Variants in DCLRE1C observed in about 807,000 individuals in gnomAD.
DCLRE1C encodes protein artemis.
A neutral mutation model predicts 61.4 loss-of-function variants in DCLRE1C; 47 were observed. That is an observed-to-expected ratio of 0.77 (90% CI 0.61 to 0.98). DCLRE1C has a LOEUF of 0.98. Among genes scored for constraint, DCLRE1C ranks in the 50% least tolerant of loss-of-function variants. DCLRE1C has a pLI of 0.00. For synonymous variants in DCLRE1C, 337 were observed against 287.6 expected (o/e 1.17, Z -1.74); for missense variants, 858 against 816.0 (o/e 1.05, Z -0.63).
chr10:14,936,772 A>G (rs1839999659), intron 4 of DCLRE1C, among the ~76,000 whole-genome samples, 179 bp from the exon 5 acceptor site: 1 of 152,116 alleles, frequency 6.6e-6, no homozygotes, highest in Non-Finnish European at 1.5e-5. Flanking sequence ...CAACAAACAG[A>G]ATTCCCATGG....
rs1216707638 is a variant in DCLRE1C at position 14,905,374 on chromosome 10, A to C, written c.*3034T>G. 1.3e-5 allele frequency among the ~76,000 whole-genome samples: 2 copies of C among 152,250 alleles called. No individual in the cohort carries two copies. The highest frequency in any genetic ancestry group is 1.3e-4 in the Admixed American group (2 of 15,286). Reference sequence around the variant, plus strand: ...GGTACGTAAACATACTATGGTAAGTACTGCCTAGAAATGCAAAGGAATTTT... The same window carrying C: ...GGTACGTAAACATACTATGGTAAGTCCTGCCTAGAAATGCAAAGGAATTTT... On this transcript the variant is annotated 3_prime_UTR_variant, in exon 14 of 14. Transcript: ENST00000378278.
At chr10:14,921,656 T>C (rs1183728644) in intron 12 of DCLRE1C, among the ~76,000 whole-genome samples, 3 of 152,210 alleles carry the variant, frequency 2.0e-5, no homozygotes, top group African/African-American at 7.2e-5. Flanking sequence ...GTCCCCATAT[T>C]ATTTGACTTC....
intron 1 of DCLRE1C, among the ~76,000 whole-genome samples, chr10:14,952,614 G>A (rs1454030732): frequency 6.6e-6 from 1 of 152,000 alleles, no homozygotes; most frequent in Non-Finnish European, 1.5e-5. Context: ...ACATTAGCTA[G>A]GCATGGTGGC....
In DCLRE1C at chr10:14,909,347, A is replaced by G; in HGVS notation, c.1157-17T>C. The G allele has an allele frequency of 6.2e-7, 1 of 1,610,918 alleles. No homozygotes were observed. The highest frequency in any genetic ancestry group is 8.5e-7 in the Non-Finnish European group (1 of 1,179,006). ...CTTCCTCCTCTGTGGGACAAACAAAACAGGTTTATAGGAAACAAGGCAAAG... is the reference window on the plus strand; with the variant it reads ...CTTCCTCCTCTGTGGGACAAACAAAGCAGGTTTATAGGAAACAAGGCAAAG... On this transcript the variant is annotated splice_polypyrimidine_tract_variant and intron_variant, in intron 13 of 13. Transcript: ENST00000378278.
intron 9 of DCLRE1C, 135 bp from the exon 10 acceptor site, chr10:14,928,287 T>C (rs1838367543): frequency 1.2e-5 from 9 of 760,832 alleles, no homozygotes; most frequent in Middle Eastern, 3.8e-4. Context: ...AGCAAAACAA[T>C]GTAGACATGA....
chr10:14,930,772 T>G (rs1838857950), intron 9 of DCLRE1C, among the ~76,000 whole-genome samples: 1 of 152,108 alleles, frequency 6.6e-6, no homozygotes, highest in South Asian at 2.1e-4. Flanking sequence ...CATCCAAGAA[T>G]CCACTGGACG....
chr10:14,939,203 A>T (rs896779569), intron 4 of DCLRE1C, among the ~76,000 whole-genome samples: 3 of 152,118 alleles, frequency 2.0e-5, no homozygotes, highest in Non-Finnish European at 2.9e-5. Context: ...TTGGGAGGCC[A>T]AGGCAGGCGG....
chr10:14,927,943 G>A (rs974783176), intron 10 of DCLRE1C, 73 bp downstream of exon 10: 4 of 1,433,330 alleles, frequency 2.8e-6, no homozygotes, highest in Non-Finnish European at 3.9e-6. Context: ...AGGCTAGACT[G>A]TGCTTAAATG....
exon 14 of DCLRE1C, chr10:14,898,424 G>A (rs532725925): frequency 6.6e-6 from 1 of 151,642 alleles, no homozygotes; most frequent in Non-Finnish European, 1.5e-5. Flanking sequence ...TACATATCTG[G>A]AGTTGTCAAC....
At chr10:14,936,710 C>T in intron 4 of DCLRE1C, 117 bp from the exon 5 acceptor site, 1 of 715,390 alleles carries the variant, frequency 1.4e-6, no homozygotes, top group Non-Finnish European at 2.5e-6. Context: ...TGCCTTTTCT[C>T]CCAATTTCCT....
chr10:14,933,113 C>A (rs181447062), intron 8 of DCLRE1C, among the ~76,000 whole-genome samples, 158 bp from the exon 9 acceptor site: 17 of 152,320 alleles, frequency 1.1e-4, no homozygotes, highest in African/African-American at 3.8e-4. Context: ...TGGTATTCCG[C>A]CAGCATGTCA....
chr10:14,925,534 G>A (rs953715883), intron 11 of DCLRE1C, among the ~76,000 whole-genome samples: 20 of 152,118 alleles, frequency 1.3e-4, no homozygotes, highest in African/African-American at 4.1e-4. Flanking sequence ...TGGTGACATC[G>A]TTTTCACCAG....
Position 14,932,950 on chromosome 10 carries a change from A to G in DCLRE1C, c.684T>C (p.His228=), listed in dbSNP as rs780102070. The G allele has an allele frequency of 7.4e-6, 12 of 1,614,188 alleles. No homozygotes were observed. Among genetic ancestry groups the G allele is most frequent in the Non-Finnish European group, 1.0e-5 (12 of 1,179,982 alleles). ...TCCTAAACATGTCTAGCTTATTCAC[A>G]TGAACCTAAGGCAAATAATACATAC... is the stretch of plus-strand genomic sequence containing the variant. ...NLSEELGVQV[H]VNKLDMFRNM... is the part of the protein sequence containing the mutation. The change falls in exon 9 of 14, where the codon CAT becomes CAC. Residue 228 remains histidine, a synonymous_variant. Coordinates refer to ENST00000378278, the MANE Select transcript of DCLRE1C (RefSeq NM_001033855.3).
chr10:14,914,144 G>T (rs1490631846), intron 13 of DCLRE1C, among the ~76,000 whole-genome samples: 1 of 152,088 alleles, frequency 6.6e-6, no homozygotes, highest in Non-Finnish European at 1.5e-5. Flanking sequence ...ACAACATACT[G>T]CTTACAAGAA....
At position 14,940,642 on chromosome 10, in the gene DCLRE1C, A is replaced by G. The variant is rs541137831; in HGVS notation, c.247-773T>C. ...GCTCCCTGGTACATTTCCCCCTGCC[A>G]TCAAAACAGAGACTAGCACATAAGA... On this transcript the variant is annotated intron_variant, in intron 3 of 13. Transcript: ENST00000378278. 7.2e-5 allele frequency among the ~76,000 whole-genome samples: 11 copies of G among 152,278 alleles called. No homozygotes were observed. The South Asian group carries it at 2.3e-3, about 32-fold the overall frequency.
intron 2 of DCLRE1C, among the ~76,000 whole-genome samples, chr10:14,947,902 T>C (rs1288598175): frequency 1.3e-5 from 2 of 150,962 alleles, no homozygotes; most frequent in East Asian, 3.9e-4. Flanking sequence ...CTACCGAAAA[T>C]ACAAAAAGTA....
At position 14,923,082 on chromosome 10, in the gene DCLRE1C, A is replaced by G. The variant is rs1837378479; in HGVS notation, c.973-13T>C. The G allele has an allele frequency of 6.3e-7, 1 of 1,586,762 alleles. No individual in the cohort carries two copies. Among genetic ancestry groups the G allele is most frequent in the African/African-American group, 1.3e-5 (1 of 74,456 alleles). On this transcript the variant is annotated splice_polypyrimidine_tract_variant and intron_variant, in intron 11 of 13. Coordinates refer to ENST00000378278, the MANE Select transcript of DCLRE1C (RefSeq NM_001033855.3). ...AGAAATCTTTAATCTAGAAAAAGGA[A>G]AATCACATGGATCAACAATCTCTAC...
chr10:14,918,813 G>C (rs1307074585), intron 13 of DCLRE1C, among the ~76,000 whole-genome samples: 1 of 152,046 alleles, frequency 6.6e-6, no homozygotes. Flanking sequence ...TCTTGGAATT[G>C]TCATCTAAAT....
At chr10:14,949,717 G>T (rs1842182463) in intron 1 of DCLRE1C, among the ~76,000 whole-genome samples, 1 of 152,152 alleles carries the variant, frequency 6.6e-6, no homozygotes, top group African/African-American at 2.4e-5. Flanking sequence ...GCAAGTAAAG[G>T]CCCAGACAAC....
Sources: gnomAD v4.1 joint callset for allele counts (sites outside exome capture counted in the v4.1 genomes callset) on GRCh38, gnomAD v4.1.1 for gene constraint, MANE v1.5 for transcripts, NCBI Gene and HGNC (gene_info 2026-07-23, HGNC 2026-07-21) for gene names.